The following LAMA3 variants were observed in gnomAD, a reference collection of about 807,000 sequenced individuals.
LAMA3 encodes the protein laminin subunit alpha-3.
A neutral mutation model predicts 402.0 loss-of-function variants in LAMA3; 281 were observed. The observed-to-expected ratio is 0.70, with a 90% CI of 0.63 to 0.77. The LOEUF is 0.77. Among genes scored for constraint, LAMA3 ranks in the 30% least tolerant of loss-of-function variants. LAMA3 has a pLI of 0.00. For missense variants in LAMA3, 3,840 were observed against 4,215.5 expected, an observed-to-expected ratio of 0.91 and a Z score of 2.47; for synonymous variants, 1,431 against 1,558.4, an observed-to-expected ratio of 0.92 and a Z score of 1.93.
At chr18:23,909,420 G>A in intron 55 of LAMA3, 125 bp downstream of exon 55, 3 of 883,892 alleles carry the variant, frequency 3.4e-6, no homozygotes, top group Non-Finnish European at 3.7e-6. Flanking sequence ...CAATTCTTGT[G>A]TTGCTTGAAT....
At position 23,775,872 on chromosome 18, in the gene LAMA3, G is replaced by A; in HGVS notation, c.1354G>A (p.Asp452Asn). Residue 452 changes from aspartate to asparagine, a missense_variant, in exon 10 of 75, where the codon GAC (aspartate) becomes AAC (asparagine). Coordinates refer to ENST00000313654, the MANE Select transcript of LAMA3 (RefSeq NM_198129.4). ...RCHCKPNFHG[D>N]NCEKCAIGYY... is the part of the protein sequence containing the mutation. ...TCACTGCAAGCCAAATTTCCACGGAGACAACTGTGAGAAGTGTGCAATTGG... is the reference window on the plus strand; with the variant it reads ...TCACTGCAAGCCAAATTTCCACGGAAACAACTGTGAGAAGTGTGCAATTGG... 1.2e-6 allele frequency: 2 copies of A among 1,614,092 alleles called. No homozygotes were observed. The highest frequency in any genetic ancestry group is 8.5e-7 in the Non-Finnish European group (1 of 1,179,966).
Position 23,950,152 on chromosome 18 carries a change from C to A in LAMA3, c.9635C>A (p.Ala3212Glu). 6.2e-7 allele frequency: 1 copy of A among 1,614,004 alleles called. No homozygotes were observed. The highest frequency in any genetic ancestry group is 8.5e-7 in the Non-Finnish European group (1 of 1,179,990). ...AAGCACTTATGTGTTTACCTGGAGG[C>A]AGGAAAGGTGTGTAGCAGTCTGATG... ...PGKHLCVYLE[A>E]GKVTASMDSG... The change falls in exon 72 of 75, where the codon GCA becomes GAA. Residue 3212 changes from alanine (A) to glutamate (E), a missense_variant. Transcript: ENST00000313654.
chr18:23,870,871 T>A (rs1043082089), intron 37 of LAMA3, among the ~76,000 whole-genome samples: 2 of 152,212 alleles, frequency 1.3e-5, no homozygotes, highest in African/African-American at 4.8e-5. Flanking sequence ...GGAGTTTCCC[T>A]TTTGCAAGCT....
chr18:23,945,948 AGTTT>A (rs2082694222), intron 69 of LAMA3, among the ~76,000 whole-genome samples, 192 bp from the exon 70 acceptor site: 1 of 151,894 alleles, frequency 6.6e-6, no homozygotes, highest in African/African-American at 2.4e-5. Flanking sequence ...TTTTGAGCTC[AGTTT>A]GTTCAGTATT....
chr18:23,707,125 G>T (rs886461479), intron 1 of LAMA3, among the ~76,000 whole-genome samples: 6 of 152,208 alleles, frequency 3.9e-5, no homozygotes, highest in African/African-American at 1.4e-4. Flanking sequence ...AATTCTGTGG[G>T]TTGACTGGGT....
Position 23,909,286 on chromosome 18 carries a change from T to A in LAMA3, c.7149T>A (p.Ala2383=). 1.2e-6 allele frequency: 2 copies of A among 1,612,136 alleles called. No individual in the cohort carries two copies. Among genetic ancestry groups the A allele is most frequent in the Middle Eastern group, 1.6e-4 (1 of 6,062 alleles). ...IRELIQQARD[A]ASKVAVPMRF... is the part of the protein sequence containing the mutation. The stretch of plus-strand genomic sequence containing the variant: ...AACTAATTCAGCAGGCCAGAGATGC[T>A]GCCAGTAAGGTGAGTGTGTCCCCAC... Residue 2383 remains alanine, a synonymous_variant, in exon 55 of 75, where the codon GCT becomes GCA. Coordinates refer to ENST00000313654, the MANE Select transcript of LAMA3 (RefSeq NM_198129.4).
chr18:23,824,315 C>G, intron 20 of LAMA3, 108 bp from the exon 21 acceptor site: 1 of 1,100,170 alleles, frequency 9.1e-7, no homozygotes. Context: ...CAGTACATAT[C>G]ATCTTAAACT....
chr18:23,801,430 A>G (rs2062864400), intron 12 of LAMA3, among the ~76,000 whole-genome samples: 6 of 152,088 alleles, frequency 3.9e-5, no homozygotes, highest in Admixed American at 3.9e-4. Context: ...TAACAAACCT[A>G]CACATGTACC....
chr18:23,888,705 A>G (rs1415704625), intron 41 of LAMA3, among the ~76,000 whole-genome samples: 1 of 152,228 alleles, frequency 6.6e-6, no homozygotes, highest in Non-Finnish European at 1.5e-5. Flanking sequence ...TATTGGAAGT[A>G]CATGGTAACG....
intron 1 of LAMA3, among the ~76,000 whole-genome samples, chr18:23,698,125 T>G (rs1245866427): frequency 8.5e-6 from 1 of 117,414 alleles, no homozygotes; most frequent in African/African-American, 3.4e-5. Context: ...CTTCAAACTA[T>G]GAATTTGTGG....
rs147502831 is a variant in LAMA3, at chr18:23,753,703, C to T, written c.856-18C>T. 141 of 1,597,200 alleles carry T rather than the reference C, an allele frequency of 8.8e-5. No individual in the cohort carries two copies. In the African/African-American group the frequency reaches 1.7e-3, roughly 19 times the overall value. Reference sequence around the variant, plus strand: ...CACTGTTCAGTGAAACTTGCATGTTCTGTGTTCTGTTGTGCAGTATTATTA... The same window carrying T: ...CACTGTTCAGTGAAACTTGCATGTTTTGTGTTCTGTTGTGCAGTATTATTA... On this transcript the variant is annotated intron_variant, in intron 5 of 74. Coordinates refer to ENST00000313654, the MANE Select transcript of LAMA3 (RefSeq NM_198129.4).
chr18:23,784,195 C>T (rs1248510144), intron 12 of LAMA3, 38 bp downstream of exon 12: 29 of 1,612,892 alleles, frequency 1.8e-5, no homozygotes, highest in Non-Finnish European at 2.4e-5. Context: ...TAATCAATCC[C>T]TCAAGATAAA....
At chr18:23,717,982 T>C (rs991733186) in intron 2 of LAMA3, among the ~76,000 whole-genome samples, 1 of 152,140 alleles carries the variant, frequency 6.6e-6, no homozygotes, top group Admixed American at 6.5e-5. Flanking sequence ...CATTTAATTA[T>C]ACATTATGCA....
intron 10 of LAMA3, among the ~76,000 whole-genome samples, chr18:23,776,555 A>T (rs1278262259): frequency 6.6e-6 from 1 of 152,320 alleles, no homozygotes; most frequent in African/African-American, 2.4e-5. Flanking sequence ...CACTGTCACA[A>T]GGAGAGCCTG....
chr18:23,782,420 G>T (rs979161700), intron 11 of LAMA3, among the ~76,000 whole-genome samples: 2 of 152,044 alleles, frequency 1.3e-5, no homozygotes, highest in Non-Finnish European at 1.5e-5. Context: ...GTCAGATGTG[G>T]CACACGCCTG....
Position 23,819,697 on chromosome 18 carries a change from CAGA to C in LAMA3, c.2148-140_2148-138del, listed in dbSNP as rs915075135. 6.7e-6 allele frequency: 5 copies of C among 745,274 alleles called. No individual in the cohort carries two copies. In the East Asian group the frequency reaches 8.1e-5, roughly 12 times the overall value. The allele number at this position is 745,274 out of a possible 1,614,324, so 46.2% of individuals were successfully genotyped here. A position where few individuals can be genotyped will look rare whatever the true frequency, so the allele number is the denominator to read the frequency against. On this transcript the variant is annotated intron_variant, in intron 18 of 74. Coordinates refer to ENST00000313654, the MANE Select transcript of LAMA3 (RefSeq NM_198129.4). ...TTAAAGCAATAATTTGGAGAAAGAG[CAGA>C]AGATCTTTCTCATTTGTCCTTTATT... is the stretch of plus-strand genomic sequence containing the variant.
chr18:23,877,595 G>A (rs1186501154), intron 39 of LAMA3, among the ~76,000 whole-genome samples: 6 of 152,222 alleles, frequency 3.9e-5, no homozygotes, highest in South Asian at 2.1e-4. Flanking sequence ...CTCGTTCACC[G>A]TGGCCCAGGG....
intron 53 of LAMA3, 28 bp downstream of exon 53, chr18:23,907,694 CGGTT>C (rs760989914): frequency 6.2e-7 from 1 of 1,610,614 alleles, no homozygotes; most frequent in South Asian, 1.1e-5. Context: ...CCATTGTACT[CGGTT>C]GGCTTCTTTT....
chr18:23,703,770 C>G (rs893350579), intron 1 of LAMA3, among the ~76,000 whole-genome samples: 1 of 152,156 alleles, frequency 6.6e-6, no homozygotes, highest in Non-Finnish European at 1.5e-5. Flanking sequence ...CATCTTCCAC[C>G]CCCTGGTGCC....
Sources: gnomAD v4.1 joint callset for allele counts (sites outside exome capture counted in the v4.1 genomes callset) on GRCh38, gnomAD v4.1.1 for gene constraint, MANE v1.5 for transcripts, NCBI Gene and HGNC (gene_info 2026-07-23, HGNC 2026-07-21) for gene names.